The following SEZ6L variants were observed in gnomAD, a reference collection of about 807,000 sequenced individuals.
SEZ6L encodes seizure 6-like protein.
SEZ6L carries 37 observed loss-of-function variants against 106.2 expected under a neutral mutation model. The ratio of observed to expected loss-of-function variants is 0.35; its 90% CI spans 0.27 to 0.46. The LOEUF is 0.46. Ranked by LOEUF, SEZ6L falls within the 20% of genes least tolerant of loss-of-function variation. The pLI is 1.00. For missense variants in SEZ6L, 1,172 were observed against 1,332.8 expected (o/e 0.88, Z 1.88); for synonymous variants, 541 against 570.4 (o/e 0.95, Z 0.73).
At chr22:26,201,710 C>A (rs1051032909) in intron 1 of SEZ6L, among the ~76,000 whole-genome samples, 2 of 152,154 alleles carry the variant, frequency 1.3e-5, no homozygotes, top group East Asian at 1.9e-4. Flanking sequence ...TTTCTCTGAG[C>A]CTTGGTTTTC....
chr22:26,347,681 T>G, intron 10 of SEZ6L, 38 bp from the exon 11 acceptor site: 1 of 1,549,512 alleles, frequency 6.5e-7, no homozygotes, highest in Non-Finnish European at 8.7e-7. Context: ...ACAACAAGAC[T>G]GCTTCCCCCA....
intron 9 of SEZ6L, among the ~76,000 whole-genome samples, chr22:26,318,991 G>C (rs968485717): frequency 6.6e-6 from 1 of 151,982 alleles, no homozygotes; most frequent in Non-Finnish European, 1.5e-5. Context: ...CAATTTCCAC[G>C]GTGTAAATAC....
intron 1 of SEZ6L, among the ~76,000 whole-genome samples, chr22:26,188,199 G>T (rs983783144): frequency 1.3e-5 from 2 of 152,148 alleles, no homozygotes; most frequent in African/African-American, 4.8e-5. Context: ...TAGGGGCATC[G>T]CATTGGAGTA....
intron 1 of SEZ6L, among the ~76,000 whole-genome samples, chr22:26,175,056 C>A (rs1218298493): frequency 2.6e-5 from 4 of 152,132 alleles, no homozygotes; most frequent in African/African-American, 9.7e-5. Context: ...AGAATCATGA[C>A]ATCAAGTCCC....
rs201939815 is a variant in SEZ6L at position 26,266,257 on chromosome 22, T to TA, written c.95-26142dup. ...TAAATGAAGCATTTATGTTGTGTGT[T>TA]AAAAAAATCAAAATAAAAAGCAGCT... On this transcript the variant is annotated intron_variant, in intron 1 of 16. Transcript: ENST00000248933. 9.7e-3 allele frequency among the ~76,000 whole-genome samples: 1,461 copies of TA among 150,130 alleles called. 26 individuals carry two copies. The highest frequency in any genetic ancestry group is 0.032 in the African/African-American group (1,290 of 40,932).
chr22:26,175,774 C>T (rs1278335257), intron 1 of SEZ6L, among the ~76,000 whole-genome samples: 3 of 152,174 alleles, frequency 2.0e-5, no homozygotes, highest in African/African-American at 7.2e-5. Flanking sequence ...TCTGTAAGCC[C>T]CTAAATTCAG....
At chr22:26,349,391 G>A (rs935667007) in intron 11 of SEZ6L, among the ~76,000 whole-genome samples, 5 of 152,194 alleles carry the variant, frequency 3.3e-5, no homozygotes, top group African/African-American at 1.2e-4. Flanking sequence ...CCAGGCAGTA[G>A]TAAAATGATA....
intron 2 of SEZ6L, among the ~76,000 whole-genome samples, chr22:26,293,938 G>A (rs944785540): frequency 2.0e-5 from 3 of 152,122 alleles, no homozygotes; most frequent in African/African-American, 2.4e-5. Context: ...TTCAAAGCAC[G>A]TGAGCTCTGG....
At chr22:26,199,794 T>C (rs1258975144) in intron 1 of SEZ6L, among the ~76,000 whole-genome samples, 1 of 152,170 alleles carries the variant, frequency 6.6e-6, no homozygotes, top group Non-Finnish European at 1.5e-5. Context: ...TAGATTCAGT[T>C]CTACAAGACT....
At chr22:26,188,796 C>T (rs771077433) in intron 1 of SEZ6L, among the ~76,000 whole-genome samples, 29 of 152,172 alleles carry the variant, frequency 1.9e-4, no homozygotes, top group Non-Finnish European at 4.0e-4. Flanking sequence ...ACTCTTAACC[C>T]GGGAGATTAT....
At chr22:26,350,194 GTA>G (rs201613241) in intron 11 of SEZ6L, among the ~76,000 whole-genome samples, 51 of 138,696 alleles carry the variant, frequency 3.7e-4, no homozygotes, top group South Asian at 1.9e-3. Context: ...GTGTGTGTGT[GTA>G]TATATATATA....
intron 11 of SEZ6L, among the ~76,000 whole-genome samples, chr22:26,350,211 CATAT>C (rs34286571): frequency 0.17 from 24,127 of 145,592 alleles, 2,198 homozygotes; most frequent in South Asian, 0.36. Flanking sequence ...TATATATACA[CATAT>C]ATATATATAT....
At chr22:26,321,389 G>T (rs556629440) in intron 9 of SEZ6L, among the ~76,000 whole-genome samples, 3 of 152,210 alleles carry the variant, frequency 2.0e-5, no homozygotes, top group Admixed American at 2.0e-4. Flanking sequence ...ACTCAGCAGC[G>T]CCTTGAAGGC....
At chr22:26,215,340 T>C (rs1602056775) in intron 1 of SEZ6L, among the ~76,000 whole-genome samples, 2 of 152,304 alleles carry the variant, frequency 1.3e-5, no homozygotes, top group East Asian at 3.9e-4. Context: ...TTAAACATTT[T>C]ACCCAATAGG....
At chr22:26,297,942 C>T (rs2081347791) in intron 4 of SEZ6L, among the ~76,000 whole-genome samples, 2 of 152,018 alleles carry the variant, frequency 1.3e-5, no homozygotes, top group Admixed American at 1.3e-4. Flanking sequence ...CAGGAACTTT[C>T]CCTTGGATAC....
At position 26,221,150 on chromosome 22, in the gene SEZ6L, C is replaced by T. The variant is rs143882157; in HGVS notation, c.94+51387C>T. On this transcript the variant is annotated intron_variant, in intron 1 of 16. Transcript: ENST00000248933. Reference sequence around the variant, plus strand: ...TAAAGTATTAAATACAACCCAGATCCCTTCTTTTGCCTGCTTAGCTTACCC... The same window carrying T: ...TAAAGTATTAAATACAACCCAGATCTCTTCTTTTGCCTGCTTAGCTTACCC... Among the ~76,000 whole-genome samples, 98 of 152,152 alleles carry T rather than the reference C, an allele frequency of 6.4e-4. 2 individuals are homozygous for T. Among genetic ancestry groups the T allele is most frequent in the Middle Eastern group, 3.4e-3 (1 of 294 alleles).
chr22:26,348,539 A>G (rs1307240749), intron 11 of SEZ6L, among the ~76,000 whole-genome samples: 5 of 93,180 alleles, frequency 5.4e-5, no homozygotes, highest in Admixed American at 1.2e-4. Flanking sequence ...GGAAGGAAGG[A>G]AGGAAGGAAG....
At chr22:26,190,711 A>G (rs944847956) in intron 1 of SEZ6L, among the ~76,000 whole-genome samples, 3 of 152,186 alleles carry the variant, frequency 2.0e-5, no homozygotes. Context: ...CAACACATGG[A>G]CTGAAAGAGA....
chr22:26,235,480 G>A (rs913846528), intron 1 of SEZ6L, among the ~76,000 whole-genome samples: 2 of 152,204 alleles, frequency 1.3e-5, no homozygotes. Flanking sequence ...TGCCCTCAGA[G>A]TTGCCTGGCT....
Sources: gnomAD v4.1 joint callset for allele counts (sites outside exome capture counted in the v4.1 genomes callset) on GRCh38, gnomAD v4.1.1 for gene constraint, MANE v1.5 for transcripts, NCBI Gene and HGNC (gene_info 2026-07-23, HGNC 2026-07-21) for gene names.